The following USP28 variants were observed in gnomAD, a reference collection of about 807,000 sequenced individuals.
USP28 encodes ubiquitin carboxyl-terminal hydrolase 28.
Under a neutral mutation model 145.0 loss-of-function variants are expected in USP28, and 113 were observed. The observed-to-expected ratio is 0.78, with a 90% confidence interval of 0.67 to 0.91. The LOEUF (loss-of-function observed/expected upper bound fraction) is 0.91. USP28 is among the 40% of genes least tolerant of loss of function. The pLI is 0.00. For missense variants in USP28, 1,201 were observed against 1,289.6 expected, an observed-to-expected ratio of 0.93 and a Z score of 1.05; for synonymous variants, 447 against 450.9, an observed-to-expected ratio of 0.99 and a Z score of 0.11.
At chr11:113,831,017 T>C in intron 8 of USP28, 74 bp from the exon 9 acceptor site, 1 of 1,525,894 alleles carries the variant, frequency 6.6e-7, no homozygotes, top group Non-Finnish European at 9.1e-7. Context: ...CAAGCATCAT[T>C]CAAAAGCAAA....
At chr11:113,860,355 A>G (rs2136775197) in intron 1 of USP28, among the ~76,000 whole-genome samples, 1 of 152,142 alleles carries the variant, frequency 6.6e-6, no homozygotes. Context: ...ACTCCAAAGA[A>G]CTACCAAGGT....
intron 1 of USP28, among the ~76,000 whole-genome samples, chr11:113,864,646 T>C (rs1373867910): frequency 4.6e-5 from 7 of 152,202 alleles, no homozygotes; most frequent in Non-Finnish European, 1.0e-4. Context: ...AAGTTTCCTC[T>C]TACTCAGCAT....
intron 11 of USP28, among the ~76,000 whole-genome samples, chr11:113,826,688 G>A (rs1280278533): frequency 6.6e-6 from 1 of 151,948 alleles, no homozygotes; most frequent in Admixed American, 6.5e-5. Context: ...GGGAGGCCAA[G>A]GCAGGCGGAT....
intron 3 of USP28, among the ~76,000 whole-genome samples, chr11:113,851,578 C>T (rs891396448): frequency 1.3e-4 from 20 of 152,068 alleles, no homozygotes; most frequent in African/African-American, 4.8e-4. Context: ...GGTGGATCAC[C>T]TGAGGTCAGG....
chr11:113,802,209 C>T (rs1047058230), intron 23 of USP28, among the ~76,000 whole-genome samples: 11 of 152,158 alleles, frequency 7.2e-5, no homozygotes, highest in Admixed American at 2.0e-4. Context: ...GTAGGATATT[C>T]AAAATGTCAA....
intron 5 of USP28, among the ~76,000 whole-genome samples, chr11:113,839,376 G>T (rs1944937727): frequency 6.6e-6 from 1 of 152,166 alleles, no homozygotes; most frequent in African/African-American, 2.4e-5. Context: ...CTTGAGGTCA[G>T]GAGTTCAAGA....
intron 1 of USP28, among the ~76,000 whole-genome samples, chr11:113,873,929 T>C (rs1422633230): frequency 8.3e-6 from 1 of 120,140 alleles, no homozygotes; most frequent in Admixed American, 8.9e-5. Context: ...GATCATGAGG[T>C]CAAGAGACCG....
At chr11:113,874,449 A>AAAAAAT in intron 1 of USP28, 3 of 856,408 alleles carry the variant, frequency 3.5e-6, no homozygotes, top group South Asian at 3.5e-5. Flanking sequence ...AAAAAAAAAA[A>AAAAAAT]GTGTCTCCAT....
intron 1 of USP28, among the ~76,000 whole-genome samples, chr11:113,857,136 A>C (rs190291162): frequency 2.0e-5 from 3 of 152,348 alleles, no homozygotes; most frequent in Middle Eastern, 3.4e-3. Flanking sequence ...TAAATAAGTC[A>C]CACTAGCTTC....
exon 10 of USP28, chr11:113,829,276 T>G: frequency 6.2e-7 from 1 of 1,613,920 alleles, no homozygotes; most frequent in East Asian, 2.2e-5. Context: ...CAAACACTCG[T>G]CTAAGTTGCG....
intron 3 of USP28, among the ~76,000 whole-genome samples, chr11:113,844,451 G>GAA (rs1018732828): frequency 4.2e-5 from 6 of 141,494 alleles, no homozygotes; most frequent in African/African-American, 1.3e-4. Context: ...CTTAAAAAAA[G>GAA]AAAAAAAAAA....
chr11:113,865,304 T>G (rs1234381864), intron 1 of USP28, among the ~76,000 whole-genome samples: 1 of 152,200 alleles, frequency 6.6e-6, no homozygotes, highest in Non-Finnish European at 1.5e-5. Flanking sequence ...CTAAAAGAGC[T>G]GCAATGCTTT....
exon 7 of USP28, chr11:113,833,544 A>T: frequency 6.2e-7 from 1 of 1,613,620 alleles, no homozygotes; most frequent in African/African-American, 1.3e-5. Context: ...CATAAACATG[A>T]TATTTCTCTT....
chr11:113,854,198 T>G lies in USP28; in HGVS notation c.135+60A>C, dbSNP rs111612694. ...GGAATAGAAATAGCTTGAACTGACA[T>G]AACTATAATATAGACAGCTGCTTTA... On this transcript the variant is annotated intron_variant, in intron 2 of 24. Transcript: ENST00000003302. 1.5e-3 allele frequency: 2,185 copies of G among 1,465,286 alleles called. 34 individuals are homozygous for G. In the African/African-American group the frequency reaches 0.029, roughly 19 times the overall value. 90.8% of individuals were successfully genotyped at this position (1,465,286 alleles called of 1,614,324 possible). A position where few individuals can be genotyped will look rare whatever the true frequency, so the allele number is the denominator to read the frequency against.
chr11:113,851,050 C>CCT (rs893225602), intron 3 of USP28, among the ~76,000 whole-genome samples: 2 of 152,016 alleles, frequency 1.3e-5, no homozygotes, highest in African/African-American at 2.4e-5. Flanking sequence ...ACCTTTAACT[C>CCT]CTCTCTCTCT....
chr11:113,823,590 G>A lies in USP28; in HGVS notation c.1283+15C>T, dbSNP rs1313086150. ...TTCTTTTACATTTCTAAGCATGAAG[G>A]TGTCCAAAACTCACCTTTCCAATTT... On this transcript the variant is annotated intron_variant, in intron 12 of 24. Transcript: ENST00000003302. The A allele has an allele frequency of 1.7e-5, 26 of 1,554,362 alleles. No homozygotes were observed. In the Admixed American group the frequency reaches 4.5e-4, roughly 27 times the overall value.
At chr11:113,867,952 A>G (rs958912317) in intron 1 of USP28, among the ~76,000 whole-genome samples, 1 of 152,200 alleles carries the variant, frequency 6.6e-6, no homozygotes, top group Non-Finnish European at 1.5e-5. Context: ...CCTACCAGCC[A>G]TCATGTAGCA....
At position 113,803,865 on chromosome 11, in the gene USP28, C is replaced by T. The variant is rs548640334; in HGVS notation, c.2671G>A (p.Asp891Asn). Reference sequence around the variant, plus strand: ...GACACTTTTCGGAACAAACTATAATCTTCATGCCACTTCTGAAAAAGAATG... The same window carrying T: ...GACACTTTTCGGAACAAACTATAATTTTCATGCCACTTCTGAAAAAGAATG... Residue 891 changes from aspartate (D) to asparagine (N), a missense_variant, in exon 22 of 25, where the codon GAT (aspartate) becomes AAT (asparagine). Coordinates refer to ENST00000003302, the Ensembl canonical transcript of USP28. 5.0e-6 allele frequency: 8 copies of T among 1,613,620 alleles called. No homozygotes were observed. In the South Asian group the frequency reaches 7.7e-5, roughly 16 times the overall value.
chr11:113,866,891 C>G (rs1388627579), intron 1 of USP28, among the ~76,000 whole-genome samples: 3 of 152,190 alleles, frequency 2.0e-5, no homozygotes, highest in African/African-American at 7.2e-5. Context: ...GTAAATAACT[C>G]AAATGTCCGT....
Sources: allele counts gnomAD v4.1 joint callset (sites outside exome capture counted in the v4.1 genomes callset), GRCh38; gene constraint gnomAD v4.1.1; transcripts MANE v1.5; gene names NCBI Gene and HGNC (gene_info 2026-07-23, HGNC 2026-07-21).